GLMN: variants seen among roughly 807,000 people sequenced by gnomAD.
GLMN encodes glomulin, FKBP associated protein.
Under a neutral mutation model 87.8 loss-of-function variants are expected in GLMN, and 75 were observed. That is an observed-to-expected ratio of 0.85 (90% confidence interval 0.71 to 1.04). The LOEUF (loss-of-function observed/expected upper bound fraction) is 1.04. Among genes scored for constraint, GLMN ranks in the 50% least tolerant of loss-of-function variants. The pLI, the probability that GLMN is intolerant of heterozygous loss-of-function variation, is 0.00. For missense variants in GLMN, 588 were observed against 658.8 expected, an observed-to-expected ratio of 0.89 and a Z score of 1.18; for synonymous variants, 206 against 221.6, an observed-to-expected ratio of 0.93 and a Z score of 0.63.
the GLMN span, among the ~76,000 whole-genome samples, chr1:92,367,245 G>A: frequency 1.3e-5 from 2 of 152,114 alleles, no homozygotes; most frequent in Admixed American, 6.5e-5. Flanking sequence ...AAATATAACC[G>A]TATAGCCTCC....
At chr1:92,269,843 T>C in intron 8 of GLMN, 67 bp from the exon 9 acceptor site, 1 of 1,014,384 alleles carries the variant, frequency 9.9e-7, no homozygotes, top group Non-Finnish European at 1.6e-6. Flanking sequence ...CACATACATA[T>C]TGTTATGGGT....
intron 7 of GLMN, among the ~76,000 whole-genome samples, chr1:92,286,031 C>G (rs1648707694): frequency 6.6e-6 from 1 of 151,854 alleles, no homozygotes; most frequent in Non-Finnish European, 1.5e-5. Flanking sequence ...TACTAGGTTA[C>G]TTATCATAGA....
At chr1:92,318,142 G>A in the GLMN span, among the ~76,000 whole-genome samples, 1 of 152,144 alleles carries the variant, frequency 6.6e-6, no homozygotes, top group South Asian at 2.1e-4. Context: ...TTAAACAATT[G>A]TAGATTCTTT....
At chr1:92,336,350 G>A in the GLMN span, 15 of 1,602,334 alleles carry the variant, frequency 9.4e-6, no homozygotes, top group African/African-American at 1.3e-5. Context: ...TTTTCAGGTT[G>A]CCTGGGCTTC....
the GLMN span, among the ~76,000 whole-genome samples, chr1:92,309,402 A>T: frequency 6.6e-6 from 1 of 150,664 alleles, no homozygotes; most frequent in Non-Finnish European, 1.5e-5. Context: ...AGATCGTGCC[A>T]CTGCACTCCA....
chr1:92,351,045 G>A, the GLMN span, among the ~76,000 whole-genome samples: 1 of 152,054 alleles, frequency 6.6e-6, no homozygotes, highest in Non-Finnish European at 1.5e-5. Flanking sequence ...GGGGTGCAGT[G>A]TCTCACGCCT....
the GLMN span, among the ~76,000 whole-genome samples, chr1:92,329,110 T>A: frequency 6.6e-6 from 1 of 152,222 alleles, no homozygotes; most frequent in Non-Finnish European, 1.5e-5. Context: ...TTGTGTTGGT[T>A]GGCCTTCAGC....
upstream of GLMN, among the ~76,000 whole-genome samples, chr1:92,301,114 G>C (rs1480343893): frequency 6.6e-6 from 1 of 152,168 alleles, no homozygotes; most frequent in Non-Finnish European, 1.5e-5. Flanking sequence ...AGTATATAAA[G>C]ACTTATGTAT....
chr1:92,300,082 GA>G, upstream of GLMN: 1 of 703,546 alleles, frequency 1.4e-6, no homozygotes. Flanking sequence ...TCTAAACATA[GA>G]AAAGGTACAG....
At chr1:92,365,300 A>G in the GLMN span, among the ~76,000 whole-genome samples, 47 of 152,354 alleles carry the variant, frequency 3.1e-4, no homozygotes, top group Non-Finnish European at 5.1e-4. Flanking sequence ...AAATAAACAG[A>G]ACTACACAAA....
the GLMN span, among the ~76,000 whole-genome samples, chr1:92,304,619 G>A: frequency 1.3e-5 from 2 of 152,142 alleles, no homozygotes; most frequent in Non-Finnish European, 2.9e-5. Context: ...AATAAATCAT[G>A]GAACAGAATA....
In GLMN at chr1:92,297,548, A is replaced by G; in HGVS notation, c.40-19T>C. On this transcript the variant is annotated intron_variant, in intron 2 of 18. Transcript: ENST00000370360. ...GGATTTGCTGGCAAAAAAAAAAAAAACCCAAAAAACAAACAAAAAAAAGTA... is the reference window on the plus strand; with the variant it reads ...GGATTTGCTGGCAAAAAAAAAAAAAGCCCAAAAAACAAACAAAAAAAAGTA... 3 of 1,525,328 alleles carry G rather than the reference A, an allele frequency of 2.0e-6. No individual in the cohort carries two copies. The highest frequency in any genetic ancestry group is 2.7e-6 in the Non-Finnish European group (3 of 1,114,108). 94.5% of individuals were successfully genotyped at this position (1,525,328 alleles called of 1,614,324 possible).
At chr1:92,353,122 G>C in the GLMN span, among the ~76,000 whole-genome samples, 12 of 151,872 alleles carry the variant, frequency 7.9e-5, no homozygotes, top group African/African-American at 2.9e-4. Context: ...TCCATTTTTT[G>C]CTATTTAATG....
At chr1:92,246,960 C>T in intron 18 of GLMN, 102 bp downstream of exon 18, 1 of 766,722 alleles carries the variant, frequency 1.3e-6, no homozygotes, top group East Asian at 2.4e-5. Flanking sequence ...GGAGTTGAAG[C>T]TGCAGTGAGC....
chr1:92,262,804 G>T, intron 16 of GLMN, 59 bp downstream of exon 16: 1 of 773,222 alleles, frequency 1.3e-6, no homozygotes, highest in South Asian at 1.4e-5. Context: ...CTGAATATCT[G>T]AAACATTCCT....
At position 92,297,282 on chromosome 1, in the gene GLMN, G is replaced by C. The variant is rs1461541566; in HGVS notation, c.165+122C>G. 3.8e-6 allele frequency: 5 copies of C among 1,333,084 alleles called. No homozygotes were observed. In the South Asian group the frequency reaches 6.0e-5, roughly 16 times the overall value. The allele number at this position is 1,333,084 out of a possible 1,614,324, so 82.6% of individuals were successfully genotyped here. A position where few individuals can be genotyped will look rare whatever the true frequency, so the allele number is the denominator to read the frequency against. On this transcript the variant is annotated intron_variant, in intron 3 of 18. Transcript: ENST00000370360. ...ATTTCTAATTCTTTTTTTGTTTTCA[G>C]TTCCCTACTGTGAAAATTTAAGTAG...
the GLMN span, among the ~76,000 whole-genome samples, chr1:92,368,964 A>T: frequency 6.6e-6 from 1 of 152,196 alleles, no homozygotes; most frequent in Non-Finnish European, 1.5e-5. Context: ...TTTCATGAGC[A>T]GTTTCCTCAT....
chr1:92,279,531 C>T (rs915876612), intron 7 of GLMN, among the ~76,000 whole-genome samples: 4 of 151,470 alleles, frequency 2.6e-5, no homozygotes, highest in Middle Eastern at 3.5e-3. Flanking sequence ...CAGCTCCCAG[C>T]GAGATCGACG....
the GLMN span, chr1:92,324,293 AG>A: frequency 6.2e-7 from 1 of 1,614,072 alleles, no homozygotes. Context: ...GAAACTGAAA[AG>A]TTAAATCTGA....
Sources: allele counts gnomAD v4.1 joint callset (sites outside exome capture counted in the v4.1 genomes callset), GRCh38; gene constraint gnomAD v4.1.1; transcripts MANE v1.5; gene names NCBI Gene and HGNC (gene_info 2026-07-23, HGNC 2026-07-21).